Variants in ITPR2 observed in about 807,000 individuals in gnomAD.
The protein encoded by ITPR2 is inositol 1,4,5-trisphosphate receptor type 2.
A neutral mutation model predicts 317.1 loss-of-function variants in ITPR2; 207 were observed. That is an observed-to-expected ratio of 0.65 (90% CI 0.58 to 0.73). The LOEUF (loss-of-function observed/expected upper bound fraction) is 0.73, where lower values mean the gene tolerates loss of function less well. ITPR2 is among the 30% of genes least tolerant of loss of function. The pLI is 0.00. For missense variants in ITPR2, 2,613 were observed against 3,284.0 expected (o/e 0.80, Z 4.99); for synonymous variants, 1,156 against 1,149.1 (o/e 1.01, Z -0.12).
At chr12:26,496,453 A>T (rs74981423) in intron 37 of ITPR2, among the ~76,000 whole-genome samples, 253 of 152,186 alleles carry the variant, frequency 1.7e-3, no homozygotes, top group African/African-American at 5.5e-3. Context: ...TGGCAATTTC[A>T]TCTTCTCCTT....
chr12:26,417,834 T>C (rs1012712581), intron 50 of ITPR2, among the ~76,000 whole-genome samples: 1 of 152,198 alleles, frequency 6.6e-6, no homozygotes, highest in Non-Finnish European at 1.5e-5. Context: ...ATACATTAAA[T>C]GGGTATAGCT....
intron 52 of ITPR2, among the ~76,000 whole-genome samples, chr12:26,403,773 T>C (rs1451498572): frequency 6.6e-6 from 1 of 152,150 alleles, no homozygotes; most frequent in Non-Finnish European, 1.5e-5. Flanking sequence ...CTCATCAATG[T>C]ACTAAGACTT....
intron 37 of ITPR2, among the ~76,000 whole-genome samples, chr12:26,519,096 C>G (rs1943600762): frequency 6.6e-6 from 1 of 152,146 alleles, no homozygotes; most frequent in South Asian, 2.1e-4. Flanking sequence ...TCACAGGGAA[C>G]TTCTCCCAAA....
In ITPR2 at chr12:26,427,995, C is replaced by T. The variant is rs773496161; in HGVS notation, c.6863G>A (p.Arg2288Gln). The T allele has an allele frequency of 6.2e-6, 10 of 1,612,378 alleles. No individual in the cohort carries two copies. The highest frequency in any genetic ancestry group is 8.5e-6 in the Non-Finnish European group (10 of 1,179,224). Residue 2288 changes from arginine to glutamine, a missense_variant, in exon 49 of 57, where the codon CGG (arginine) becomes CAG (glutamine). Coordinates refer to ENST00000381340, the MANE Select transcript of ITPR2 (RefSeq NM_002223.4). ...GAGCATTATTGATACAAGAAACGGC[C>T]GAATACCCACAGGCTTGGAGAAGAA... The part of the protein sequence containing the change: ...LFFFSKPVGI[R>Q]PFLVSIMLRS...
intron 37 of ITPR2, among the ~76,000 whole-genome samples, chr12:26,523,814 T>G (rs768374222): frequency 6.6e-6 from 1 of 152,226 alleles, no homozygotes; most frequent in African/African-American, 2.4e-5. Flanking sequence ...TCTAATTGAA[T>G]TTCAGGGCCA....
chr12:26,679,568 A>G (rs1947987644), intron 13 of ITPR2, among the ~76,000 whole-genome samples: 1 of 151,978 alleles, frequency 6.6e-6, no homozygotes, highest in African/African-American at 2.4e-5. Flanking sequence ...GCATTTCTTT[A>G]TGGTTCTTCT....
At chr12:26,740,393 T>C (rs1447268766) in intron 2 of ITPR2, among the ~76,000 whole-genome samples, 6 of 152,112 alleles carry the variant, frequency 3.9e-5, no homozygotes, top group Non-Finnish European at 8.8e-5. Context: ...TCTTTGGAGG[T>C]CAGAGTACCA....
At chr12:26,339,554 G>A (rs530713792) in intron 56 of ITPR2, 71 bp from the exon 57 acceptor site, 49 of 1,151,052 alleles carry the variant, frequency 4.3e-5, no homozygotes, top group African/African-American at 1.5e-4. Flanking sequence ...GGCCACAACC[G>A]TTTTGAGTTA....
intron 37 of ITPR2, among the ~76,000 whole-genome samples, chr12:26,517,173 T>C (rs1466460969): frequency 6.6e-6 from 1 of 151,992 alleles, no homozygotes; most frequent in Non-Finnish European, 1.5e-5. Context: ...CAACAATAAT[T>C]AAAATACTAT....
intron 45 of ITPR2, among the ~76,000 whole-genome samples, chr12:26,454,947 T>G (rs1171389356): frequency 2.0e-5 from 3 of 152,184 alleles, no homozygotes; most frequent in Non-Finnish European, 4.4e-5. Flanking sequence ...TGAGGCTGAG[T>G]GAAGAGCACA....
intron 54 of ITPR2, among the ~76,000 whole-genome samples, chr12:26,395,435 T>G (rs75810611): frequency 0.026 from 3,942 of 152,268 alleles, 117 homozygotes; most frequent in African/African-American, 0.076. Context: ...AGCAGGAATC[T>G]TGGGTAAGCA....
intron 24 of ITPR2, 87 bp downstream of exon 24, chr12:26,624,212 A>C: frequency 1.1e-6 from 1 of 909,904 alleles, no homozygotes; most frequent in Non-Finnish European, 1.8e-6. Flanking sequence ...ATAAATAGAT[A>C]TAGAGTGAAC....
intron 45 of ITPR2, 80 bp downstream of exon 45, chr12:26,475,216 C>T (rs1942389708): frequency 4.6e-6 from 7 of 1,528,224 alleles, no homozygotes; most frequent in Admixed American, 1.7e-5. Flanking sequence ...GGGACCAGAA[C>T]TTGAAAATAT....
intron 34 of ITPR2, among the ~76,000 whole-genome samples, chr12:26,565,157 G>GA (rs1041598288): frequency 2.0e-5 from 3 of 151,948 alleles, no homozygotes; most frequent in African/African-American, 2.4e-5. Context: ...AACCCCCTAT[G>GA]AAAAAATTAC....
intron 40 of ITPR2, 145 bp downstream of exon 40, chr12:26,486,923 T>A: frequency 6.4e-5 from 54 of 837,652 alleles, no homozygotes; most frequent in Middle Eastern, 2.2e-4. Context: ...GGTCACCCCA[T>A]GACCAAAATT....
At position 26,346,349 on chromosome 12, in the gene ITPR2, A is replaced by G. The variant is rs181152149; in HGVS notation, c.7858-6021T>C. On this transcript the variant is annotated intron_variant, in intron 55 of 56. Coordinates refer to ENST00000381340, the MANE Select transcript of ITPR2 (RefSeq NM_002223.4). The stretch of plus-strand genomic sequence containing the variant: ...AAAAGTCAGCTGCGCTGGGCCAGGC[A>G]CGGTGGCTCATGCCTATAATCCCAG... 1.3e-3 allele frequency among the ~76,000 whole-genome samples: 193 copies of G among 152,348 alleles called. 1 individual carries two copies. In the East Asian group the frequency reaches 0.028, roughly 22 times the overall value.
At chr12:26,428,428 T>A (rs1941123422) in intron 48 of ITPR2, among the ~76,000 whole-genome samples, 2 of 152,190 alleles carry the variant, frequency 1.3e-5, no homozygotes, top group African/African-American at 4.8e-5. Flanking sequence ...AATCCAAAAT[T>A]TATGATTAAT....
chr12:26,688,959 C>T (rs1948182245), intron 10 of ITPR2, among the ~76,000 whole-genome samples: 1 of 152,120 alleles, frequency 6.6e-6, no homozygotes, highest in Non-Finnish European at 1.5e-5. Context: ...TAACTGTATA[C>T]TGGAAATTTG....
rs1472704007 is a variant in ITPR2, at chr12:26,338,377, A to T, written c.*1020T>A. 1 of 152,574 alleles carries T rather than the reference A, an allele frequency of 6.6e-6. No individual in the cohort carries two copies. The highest frequency in any genetic ancestry group is 1.9e-4 in the East Asian group (1 of 5,196). 9.5% of individuals were successfully genotyped at this position (152,574 alleles called of 1,614,324 possible). A position where few individuals can be genotyped will look rare whatever the true frequency, so the allele number is the denominator to read the frequency against. Reference sequence around the variant, plus strand: ...TGGCATTTTCTTGAGTATTCAATACATTTCTTGGATTTTTTTTTCCTAACT... The same window carrying T: ...TGGCATTTTCTTGAGTATTCAATACTTTTCTTGGATTTTTTTTTCCTAACT... On this transcript the variant is annotated 3_prime_UTR_variant, in exon 57 of 57. Coordinates refer to ENST00000381340, the MANE Select transcript of ITPR2 (RefSeq NM_002223.4).
Sources: allele counts gnomAD v4.1 joint callset (sites outside exome capture counted in the v4.1 genomes callset), GRCh38; gene constraint gnomAD v4.1.1; transcripts MANE v1.5; gene names NCBI Gene and HGNC (gene_info 2026-07-23, HGNC 2026-07-21).